The following WWOX variants were observed in gnomAD, a reference collection of about 807,000 sequenced individuals.
The protein encoded by WWOX is WW domain containing oxidoreductase.
WWOX carries 69 observed loss-of-function variants against 46.2 expected under a neutral mutation model. The observed-to-expected ratio is 1.49, with a 90% CI of 1.23 to 1.82. The LOEUF (loss-of-function observed/expected upper bound fraction) is 1.82, where lower values mean the gene tolerates loss of function less well. Among genes scored for constraint, WWOX ranks in the 40% most tolerant of loss-of-function variants. The probability of loss-of-function intolerance (pLI) is 0.00; values close to 1 mark genes in which losing one functional copy is unlikely to be tolerated. For missense variants in WWOX, 919 were observed against 542.6 expected (o/e 1.69, Z -6.89); for synonymous variants, 359 against 202.6 (o/e 1.77, Z -6.56).
chr16:79,170,625 C>G (rs1258291079), intron 8 of WWOX, among the ~76,000 whole-genome samples: 1 of 151,764 alleles, frequency 6.6e-6, no homozygotes, highest in South Asian at 2.1e-4. Context: ...TTAAACCACA[C>G]AAATTAAAAA....
chr16:79,070,179 C>T (rs184670268), intron 8 of WWOX, among the ~76,000 whole-genome samples: 4 of 152,012 alleles, frequency 2.6e-5, no homozygotes, highest in Admixed American at 6.5e-5. Flanking sequence ...GCTGCAGTGC[C>T]TAATGTTTAT....
intron 8 of WWOX, among the ~76,000 whole-genome samples, chr16:79,192,423 G>A (rs2150810844): frequency 6.6e-6 from 1 of 152,304 alleles, no homozygotes; most frequent in South Asian, 2.1e-4. Flanking sequence ...CTGGGGAGAT[G>A]TGTGTGAACA....
At chr16:78,149,251 C>T (rs540864686) in intron 4 of WWOX, among the ~76,000 whole-genome samples, 7 of 152,162 alleles carry the variant, frequency 4.6e-5, no homozygotes, top group South Asian at 2.1e-4. Context: ...TAACTTGTAA[C>T]GGTCATGGTG....
intron 8 of WWOX, among the ~76,000 whole-genome samples, chr16:78,575,074 T>TAA (rs2044840658): frequency 6.8e-5 from 2 of 29,390 alleles, no homozygotes; most frequent in African/African-American, 2.3e-4. Flanking sequence ...TATATATATA[T>TAA]ATATATATAT....
intron 5 of WWOX, among the ~76,000 whole-genome samples, chr16:78,187,677 T>C (rs1325231680): frequency 3.9e-5 from 6 of 152,210 alleles, no homozygotes; most frequent in Non-Finnish European, 1.5e-5. Flanking sequence ...ACAGTTTCAC[T>C]AGAAGGTGTG....
chr16:78,820,763 A>G (rs543598857), intron 8 of WWOX, among the ~76,000 whole-genome samples: 1 of 152,226 alleles, frequency 6.6e-6, no homozygotes, highest in East Asian at 1.9e-4. Context: ...TGGTGGCCGG[A>G]AGTCCAAAAT....
intron 5 of WWOX, among the ~76,000 whole-genome samples, chr16:78,356,199 T>C (rs910830044): frequency 6.7e-6 from 1 of 149,768 alleles, no homozygotes; most frequent in Non-Finnish European, 1.5e-5. Flanking sequence ...AATAAATAAA[T>C]AAAAATGCAT....
intron 5 of WWOX, among the ~76,000 whole-genome samples, chr16:78,242,885 G>A (rs1296706903): frequency 4.6e-5 from 7 of 152,146 alleles, no homozygotes; most frequent in Admixed American, 2.0e-4. Flanking sequence ...GTGTGCGCCT[G>A]TAATTCCAGC....
intron 8 of WWOX, among the ~76,000 whole-genome samples, chr16:78,970,893 A>T (rs1005542657): frequency 4.0e-5 from 6 of 151,794 alleles, no homozygotes; most frequent in African/African-American, 1.5e-4. Context: ...TAATCAGATG[A>T]TTTGTTTGCT....
At chr16:78,671,359 A>T (rs2047459243) in intron 8 of WWOX, among the ~76,000 whole-genome samples, 1 of 152,144 alleles carries the variant, frequency 6.6e-6, no homozygotes, top group African/African-American at 2.4e-5. Context: ...TGGGAGGTGG[A>T]GGTTGCCGTC....
rs2081049066 is a variant in WWOX at position 78,343,485 on chromosome 16, C to G, written c.517-43375C>G. 1.7e-5 allele frequency among the ~76,000 whole-genome samples: 2 copies of G among 120,682 alleles called. 1 individual carries two copies. The highest frequency in any genetic ancestry group is 4.0e-5 in the Non-Finnish European group (2 of 50,616). 79.2% of individuals were successfully genotyped at this position (120,682 alleles called of 152,430 possible). A position where few individuals can be genotyped will look rare whatever the true frequency, so the allele number is the denominator to read the frequency against. On this transcript the variant is annotated intron_variant, in intron 5 of 8. Transcript: ENST00000566780. The stretch of plus-strand genomic sequence containing the variant: ...ATATCCCTTGTTTTCAGATTCCTCG[C>G]CTCTCATCATGTAAGGTGATGCTCT...
intron 8 of WWOX, among the ~76,000 whole-genome samples, chr16:78,439,050 C>A (rs1392794637): frequency 6.6e-6 from 1 of 152,178 alleles, no homozygotes; most frequent in Admixed American, 6.5e-5. Flanking sequence ...CCCTTTCCAT[C>A]TTTAAATACC....
intron 8 of WWOX, among the ~76,000 whole-genome samples, chr16:78,639,794 G>C (rs955210004): frequency 1.3e-5 from 2 of 152,128 alleles, no homozygotes; most frequent in Non-Finnish European, 2.9e-5. Flanking sequence ...TTGAACTCCT[G>C]ACCTCAGGTG....
intron 8 of WWOX, among the ~76,000 whole-genome samples, chr16:78,631,204 C>A (rs1597372374): frequency 6.6e-6 from 1 of 152,126 alleles, no homozygotes; most frequent in Non-Finnish European, 1.5e-5. Context: ...TACTGAGGGA[C>A]AACTGTACAA....
chr16:78,461,572 A>G (rs2083949976), intron 8 of WWOX, among the ~76,000 whole-genome samples: 1 of 152,182 alleles, frequency 6.6e-6, no homozygotes, highest in African/African-American at 2.4e-5. Flanking sequence ...TAACCCAGTG[A>G]CAGGTAAGGC....
intron 1 of WWOX, among the ~76,000 whole-genome samples, chr16:78,101,471 C>G (rs528969585): frequency 1.5e-3 from 220 of 151,460 alleles, no homozygotes; most frequent in African/African-American, 5.0e-3. Context: ...CTCAGCCTCC[C>G]GAATAGCTGG....
In WWOX at chr16:78,340,867, C is replaced by T. The variant is rs748464050; in HGVS notation, c.517-45993C>T. ...GTTTTCAGTATCATGCCACTGTTCT[C>T]ACCTGTTTATGTTCTCTTCTGATAA... On this transcript the variant is annotated intron_variant, in intron 5 of 8. Transcript: ENST00000566780. Among the ~76,000 whole-genome samples the T allele has an allele frequency of 3.4e-5, 4 of 118,880 alleles. 2 individuals are homozygous for T. Among genetic ancestry groups the T allele is most frequent in the Non-Finnish European group, 8.0e-5 (4 of 50,074 alleles). 78.0% of individuals were successfully genotyped at this position (118,880 alleles called of 152,430 possible).
chr16:78,803,129 T>A (rs781040648), intron 8 of WWOX, among the ~76,000 whole-genome samples: 7 of 151,730 alleles, frequency 4.6e-5, no homozygotes, highest in Non-Finnish European at 7.4e-5. Flanking sequence ...TATAAATTAG[T>A]CTTTCAGGAT....
chr16:79,177,385 G>A (rs1285694028), intron 8 of WWOX, among the ~76,000 whole-genome samples: 1 of 125,128 alleles, frequency 8.0e-6, no homozygotes, highest in African/African-American at 3.0e-5. Flanking sequence ...CTCTCCCTCC[G>A]TGGCTGGGTT....
Sources: gnomAD v4.1 joint callset for allele counts (sites outside exome capture counted in the v4.1 genomes callset) on GRCh38, gnomAD v4.1.1 for gene constraint, MANE v1.5 for transcripts, NCBI Gene and HGNC (gene_info 2026-07-23, HGNC 2026-07-21) for gene names.